CFH: variants seen among roughly 807,000 people sequenced by gnomAD.
The protein encoded by CFH is H factor 1 (complement).
Under a neutral mutation model 147.3 loss-of-function variants are expected in CFH, and 53 were observed. The observed-to-expected ratio is 0.36, with a 90% CI of 0.29 to 0.45. The LOEUF is 0.45. CFH is among the 20% of genes least tolerant of loss of function. The pLI, the probability that CFH is intolerant of heterozygous loss-of-function variation, is 1.00. For synonymous variants in CFH, 536 were observed against 489.4 expected, an observed-to-expected ratio of 1.10 and a Z score of -1.26; for missense variants, 1,380 against 1,498.0, an observed-to-expected ratio of 0.92 and a Z score of 1.30.
In CFH at chr1:196,726,925, C is replaced by T. The variant is rs780794196; in HGVS notation, c.2221C>T (p.Leu741Phe). 8.1e-6 allele frequency: 13 copies of T among 1,613,186 alleles called. No homozygotes were observed. In the East Asian group the frequency reaches 2.5e-4, roughly 30 times the overall value. The change falls in exon 14 of 22, where the codon CTT becomes TTT. Residue 741 changes from leucine to phenylalanine, a missense_variant. Physicochemically the swap from Leu to Phe is conservative, Grantham distance 22. Transcript: ENST00000367429. Reference sequence around the variant, plus strand: ...GTGTATTCATGGAGTATGGACCCAACTTCCCCAGTGTGTGGGTGAGAATAC... The same window carrying T: ...GTGTATTCATGGAGTATGGACCCAATTTCCCCAGTGTGTGGGTGAGAATAC... ...ITCIHGVWTQ[L>F]PQCVAIDKLK...
rs1453568602 is a variant in CFH, at chr1:196,740,638, A to T, written c.2802A>T (p.Pro934=). 6.8e-6 allele frequency: 11 copies of T among 1,613,474 alleles called. No homozygotes were observed. The highest frequency in any genetic ancestry group is 8.5e-6 in the Non-Finnish European group (10 of 1,179,860). The change falls in exon 18 of 22, where the codon CCA becomes CCT. Residue 934 remains proline, a synonymous_variant. Transcript: ENST00000367429. ...PQCEGLPCKS[P]PEISHGVVAH... ...TTTTAGGCCTTCCTTGTAAATCTCC[A>T]CCTGAGATTTCTCATGGTGTTGTAG...
intron 20 of CFH, among the ~76,000 whole-genome samples, chr1:196,744,986 T>G (rs535880675): frequency 6.6e-6 from 1 of 152,296 alleles, no homozygotes; most frequent in East Asian, 1.9e-4. Context: ...TTGACAGTTC[T>G]TTGAACACTT....
intron 9 of CFH, among the ~76,000 whole-genome samples, chr1:196,708,128 C>T (rs919514033): frequency 2.0e-5 from 3 of 152,172 alleles, no homozygotes. Context: ...AATTATACCT[C>T]TCCTGTTACT....
At chr1:196,728,724 C>A (rs1669208155) in intron 15 of CFH, among the ~76,000 whole-genome samples, 1 of 140,064 alleles carries the variant, frequency 7.1e-6, no homozygotes. Flanking sequence ...AACACACACA[C>A]ACACACACGC....
chr1:196,703,581 GT>G (rs1170664616), intron 9 of CFH, among the ~76,000 whole-genome samples: 2 of 152,110 alleles, frequency 1.3e-5, no homozygotes, highest in Non-Finnish European at 2.9e-5. Context: ...TAAATATCTG[GT>G]GGTCTAAACT....
At chr1:196,652,709 A>C (rs1308970401) in intron 1 of CFH, among the ~76,000 whole-genome samples, 1 of 151,800 alleles carries the variant, frequency 6.6e-6, no homozygotes, top group Non-Finnish European at 1.5e-5. Context: ...ATATTATATA[A>C]ATTTGAAACC....
At chr1:196,721,435 T>C (rs781075538) in intron 11 of CFH, among the ~76,000 whole-genome samples, 3 of 152,074 alleles carry the variant, frequency 2.0e-5, no homozygotes, top group Non-Finnish European at 4.4e-5. Context: ...ATTTCTAACC[T>C]TTAAAATTTT....
Position 196,679,753 on chromosome 1 carries a change from A to T in CFH, c.750A>T (p.Val250=). The change falls in exon 6 of 22, where the codon GTA becomes GTT. Residue 250 remains valine, a synonymous_variant. Transcript: ENST00000367429. Reference sequence around the variant, plus strand: ...AATACAGTGAAAGAGGAGATGCTGTATGCACTGAATCTGGATGGCGTCCGT... The same window carrying T: ...AATACAGTGAAAGAGGAGATGCTGTTTGCACTGAATCTGGATGGCGTCCGT... ...GYEYSERGDA[V]CTESGWRPLP... The T allele has an allele frequency of 6.2e-7, 1 of 1,611,766 alleles. No homozygotes were observed. The highest frequency in any genetic ancestry group is 8.5e-7 in the Non-Finnish European group (1 of 1,178,502).
intron 11 of CFH, among the ~76,000 whole-genome samples, chr1:196,719,540 G>C (rs1218212566): frequency 3.3e-5 from 5 of 151,728 alleles, no homozygotes; most frequent in Non-Finnish European, 5.9e-5. Flanking sequence ...ATCTAATTTT[G>C]TAATTGTATT....
At chr1:196,698,567 A>T (rs1668356522) in intron 9 of CFH, among the ~76,000 whole-genome samples, 2 of 152,222 alleles carry the variant, frequency 1.3e-5, no homozygotes. Flanking sequence ...AAGTTCTGAA[A>T]TTGTGGTAGT....
intron 7 of CFH, 29 bp downstream of exon 7, chr1:196,685,266 T>G (rs762070985): frequency 1.9e-6 from 3 of 1,610,406 alleles, no homozygotes; most frequent in South Asian, 2.2e-5. Flanking sequence ...TTGACCCATT[T>G]CTTAATTCTG....
intron 15 of CFH, 127 bp from the exon 16 acceptor site, chr1:196,736,695 AAC>A (rs1332634158): frequency 5.3e-5 from 19 of 355,170 alleles, no homozygotes; most frequent in African/African-American, 8.7e-5. Flanking sequence ...TAATTTATGA[AAC>A]AGTTATTGAT....
chr1:196,685,299 AAATAGGGACTC>A, intron 7 of CFH, 62 bp downstream of exon 7: 1 of 1,512,490 alleles, frequency 6.6e-7, no homozygotes, highest in Non-Finnish European at 9.2e-7. Flanking sequence ...AACACATAAA[AAATAGGGACTC>A]AATAAAACCA....
chr1:196,701,061 G>A (rs1490963300), intron 9 of CFH, among the ~76,000 whole-genome samples: 1 of 152,104 alleles, frequency 6.6e-6, no homozygotes, highest in African/African-American at 2.4e-5. Context: ...AAGACTAGAG[G>A]GCATTGCTTG....
intron 1 of CFH, among the ~76,000 whole-genome samples, chr1:196,657,853 T>C (rs1444688678): frequency 6.6e-6 from 1 of 152,170 alleles, no homozygotes; most frequent in Non-Finnish European, 1.5e-5. Flanking sequence ...AGACCAACTT[T>C]AGTCTACCAA....
chr1:196,659,283 C>T (rs1038733628), intron 1 of CFH, among the ~76,000 whole-genome samples: 1 of 152,146 alleles, frequency 6.6e-6, no homozygotes, highest in Non-Finnish European at 1.5e-5. Flanking sequence ...ACAAGATATA[C>T]CTAATTATTA....
At chr1:196,707,046 C>G (rs1227040428) in intron 9 of CFH, among the ~76,000 whole-genome samples, 1 of 152,106 alleles carries the variant, frequency 6.6e-6, no homozygotes. Context: ...GACCATAGTG[C>G]AATTTCTGTA....
At chr1:196,698,007 G>T (rs1292355146) in intron 9 of CFH, among the ~76,000 whole-genome samples, 5 of 122,310 alleles carry the variant, frequency 4.1e-5, no homozygotes, top group Non-Finnish European at 8.3e-5. Flanking sequence ...CCTGTTGTGG[G>T]GTGGGGGGAG....
intron 9 of CFH, among the ~76,000 whole-genome samples, chr1:196,711,870 G>T (rs1324518386): frequency 2.0e-5 from 3 of 152,048 alleles, no homozygotes; most frequent in Non-Finnish European, 4.4e-5. Flanking sequence ...ACTCTCCAGA[G>T]TGTCAATATT....
Sources: allele counts gnomAD v4.1 joint callset (sites outside exome capture counted in the v4.1 genomes callset), GRCh38; gene constraint gnomAD v4.1.1; transcripts MANE v1.5; gene names NCBI Gene and HGNC (gene_info 2026-07-23, HGNC 2026-07-21).